TRPM5: variants seen among roughly 807,000 people sequenced by gnomAD.
TRPM5 encodes the protein MLSN1 and TRP-related.
A neutral mutation model predicts 124.9 loss-of-function variants in TRPM5; 121 were observed. The ratio of observed to expected loss-of-function variants is 0.97; its 90% CI spans 0.84 to 1.13. The LOEUF is 1.13. TRPM5 is among the 50% of genes most tolerant of loss of function. TRPM5 has a pLI of 0.00. For synonymous variants in TRPM5, 781 were observed against 700.5 expected, an observed-to-expected ratio of 1.11 and a Z score of -1.81; for missense variants, 1,643 against 1,589.1, an observed-to-expected ratio of 1.03 and a Z score of -0.58.
intron 4 of TRPM5, 114 bp downstream of exon 9, chr11:2,420,108 T>C (rs1845748680): frequency 7.8e-7 from 1 of 1,278,432 alleles, no homozygotes; most frequent in South Asian, 1.4e-5. Context: ...GGGTGCGTTC[T>C]GCCTGGGAAG....
chr11:2,425,649 G>GTCCTCACCCTGGGCGGGGA (rs1845835111), upstream of TRPM5, among the ~76,000 whole-genome samples: 1 of 152,202 alleles, frequency 6.6e-6, no homozygotes, highest in African/African-American at 2.4e-5. Context: ...CTGGGCGGGG[G>GTCCTCACCCTGGGCGGGGA]TCCTCAGGCT....
chr11:2,429,563 C>T, the TRPM5 span, among the ~76,000 whole-genome samples: 3 of 150,432 alleles, frequency 2.0e-5, no homozygotes, highest in African/African-American at 7.3e-5. This position sits in a 1 kb window ranked among gnomAD's most constrained non-coding sequence, Gnocchi z 8.4. Context: ...GATAATGATC[C>T]TGGTGGTGGC....
Position 2,407,265 on chromosome 11 carries a change from ATG to A in TRPM5, c.2970_2971del (p.Met991ValfsTer42). 2 of 1,611,924 alleles carry A rather than the reference ATG, an allele frequency of 1.2e-6. No homozygotes were observed. The highest frequency in any genetic ancestry group is 2.2e-5 in the South Asian group (2 of 90,888). On this transcript the variant is annotated frameshift_variant, in exon 20 of 24. Coordinates refer to ENST00000155858, the Ensembl canonical transcript of TRPM5. LOFTEE classifies it high-confidence loss of function. ...GTTGTAGCGCTGGAACTTCCAGAACATGTCTGCGTTGCCCTGCACCACCTGGA... is the reference window on the plus strand; with the variant it reads ...GTTGTAGCGCTGGAACTTCCAGAACATCTGCGTTGCCCTGCACCACCTGGA...
At chr11:2,412,315 A>T in intron 15 of TRPM5, 62 bp from the exon 21 acceptor site, 1 of 1,055,138 alleles carries the variant, frequency 9.5e-7, no homozygotes, top group South Asian at 1.4e-5. Context: ...GGACAGCCCT[A>T]CCTGGACAAG....
At chr11:2,436,646 C>T in the TRPM5 span, among the ~76,000 whole-genome samples, 3 of 152,310 alleles carry the variant, frequency 2.0e-5, no homozygotes, top group East Asian at 1.9e-4. Context: ...GGAAGCTTGG[C>T]GGCCAGTGAC....
intron 15 of TRPM5, 74 bp from the exon 21 acceptor site, chr11:2,412,327 T>G: frequency 1.1e-6 from 1 of 895,246 alleles, no homozygotes; most frequent in East Asian, 3.0e-5. Flanking sequence ...CTGGACAAGC[T>G]TGGATCTGTA....
At chr11:2,437,717 T>C in the TRPM5 span, among the ~76,000 whole-genome samples, 2 of 152,082 alleles carry the variant, frequency 1.3e-5, no homozygotes, top group African/African-American at 4.8e-5. The surrounding 1 kb of genome is among the most constrained non-coding windows in gnomAD (Gnocchi z 5.6). Flanking sequence ...CCAGCCCCAC[T>C]GTACTGGGTC....
chr11:2,406,906 G>T, intron 20 of TRPM5, 113 bp from the exon 26 acceptor site: 1 of 1,461,690 alleles, frequency 6.8e-7, no homozygotes, highest in Non-Finnish European at 9.1e-7. Context: ...GTGGGGCCCA[G>T]CCAGGGATGG....
chr11:2,409,293 C>G (rs188530151), intron 18 of TRPM5, among the ~76,000 whole-genome samples: 1 of 152,298 alleles, frequency 6.6e-6, no homozygotes, highest in East Asian at 1.9e-4. Context: ...CCCCTCTCCT[C>G]CCTGCACTCT....
At chr11:2,415,624 C>G (rs1845658189) in intron 8 of TRPM5, among the ~76,000 whole-genome samples, 153 bp from the exon 14 acceptor site, 1 of 152,154 alleles carries the variant, frequency 6.6e-6, no homozygotes, top group Admixed American at 6.5e-5. Flanking sequence ...CCCCAGCCTG[C>G]CCCCTGCATT....
chr11:2,411,353 A>G, exon 18 of TRPM5: 1 of 1,593,934 alleles, frequency 6.3e-7, no homozygotes, highest in Non-Finnish European at 8.6e-7. Context: ...TGTGCAAACC[A>G]TCAATCTCGT....
the TRPM5 span, among the ~76,000 whole-genome samples, chr11:2,436,401 C>T: frequency 2.6e-5 from 4 of 152,262 alleles, no homozygotes; most frequent in African/African-American, 9.6e-5. Context: ...GATGTAGGGA[C>T]AGGCTGCCCA....
the TRPM5 span, among the ~76,000 whole-genome samples, chr11:2,436,863 T>C: frequency 6.7e-3 from 1,020 of 152,366 alleles, 12 homozygotes; most frequent in African/African-American, 0.023. Context: ...TGACATCAGA[T>C]GACCTAACCT....
At chr11:2,420,953 C>T (rs1845764284) in intron 3 of TRPM5, 79 bp downstream of exon 8, 1 of 1,422,960 alleles carries the variant, frequency 7.0e-7, no homozygotes, top group African/African-American at 1.5e-5. Context: ...CCTCCCAGAG[C>T]TCTGCCCGCT....
chr11:2,405,877 C>T (rs1234273278), intron 22 of TRPM5, 142 bp downstream of exon 27: 11 of 791,940 alleles, frequency 1.4e-5, no homozygotes, highest in East Asian at 2.7e-5. Flanking sequence ...CCAGAACGCT[C>T]CTCTGCCCAC....
At chr11:2,411,753 G>T (rs150918742) in exon 17 of TRPM5, 14 of 1,612,560 alleles carry the variant, frequency 8.7e-6, no homozygotes, top group Non-Finnish European at 1.1e-5. Context: ...AGCCTCAAAC[G>T]CCGACGGCAG....
intron 2 of TRPM5, 144 bp downstream of exon 7, chr11:2,421,997 T>A: frequency 3.2e-5 from 22 of 685,616 alleles, no homozygotes; most frequent in Non-Finnish European, 4.4e-5. Flanking sequence ...GGTGGGAGCA[T>A]TGCCTGTGCC....
upstream of TRPM5, among the ~76,000 whole-genome samples, chr11:2,426,584 A>T (rs1589878392): frequency 6.6e-6 from 1 of 151,888 alleles, no homozygotes; most frequent in Admixed American, 6.5e-5. Flanking sequence ...GCAGCGGGGC[A>T]CCTGTAGCCG....
At chr11:2,410,611 C>G in intron 18 of TRPM5, 1 of 445,630 alleles carries the variant, frequency 2.2e-6, no homozygotes, top group Non-Finnish European at 4.5e-6. Context: ...CCAGAGCTCC[C>G]CACCAACCCA....
Sources: allele counts gnomAD v4.1 joint callset (sites outside exome capture counted in the v4.1 genomes callset), GRCh38; gene constraint gnomAD v4.1.1; non-coding constraint Gnocchi (gnomAD v3.1); transcripts MANE v1.5; gene names NCBI Gene and HGNC (gene_info 2026-07-23, HGNC 2026-07-21).